The following RNF180 variants were observed in gnomAD, a reference collection of about 807,000 sequenced individuals.
RNF180 encodes the protein E3 ubiquitin-protein ligase RNF180.
Under a neutral mutation model 59.2 loss-of-function variants are expected in RNF180, and 38 were observed. The observed-to-expected ratio is 0.64, with a 90% confidence interval of 0.50 to 0.84. The LOEUF (loss-of-function observed/expected upper bound fraction) is 0.84. Ranked by LOEUF, RNF180 falls within the 40% of genes least tolerant of loss-of-function variation. RNF180 has a pLI of 0.00. For missense variants in RNF180, 705 were observed against 700.9 expected (o/e 1.01, Z -0.07); for synonymous variants, 262 against 240.3 (o/e 1.09, Z -0.84).
intron 1 of RNF180, among the ~76,000 whole-genome samples, chr5:64,181,815 C>T (rs1410457079): frequency 6.6e-6 from 1 of 152,078 alleles, no homozygotes; most frequent in South Asian, 2.1e-4. Context: ...ACATTAATTT[C>T]AGTAATTGAT....
At chr5:64,185,441 G>C (rs970414120) in intron 1 of RNF180, among the ~76,000 whole-genome samples, 7 of 152,252 alleles carry the variant, frequency 4.6e-5, no homozygotes, top group African/African-American at 1.7e-4. Context: ...GCAGAAGCTT[G>C]TAGAAGCGTA....
intron 2 of RNF180, among the ~76,000 whole-genome samples, chr5:64,204,649 T>C (rs1260051562): frequency 1.3e-5 from 2 of 152,200 alleles, no homozygotes; most frequent in African/African-American, 2.4e-5. Flanking sequence ...TCTTGTGGTG[T>C]CTTTGTTGAA....
At chr5:64,180,071 TGC>T in intron 1 of RNF180, among the ~76,000 whole-genome samples, 1 of 152,244 alleles carries the variant, frequency 6.6e-6, no homozygotes, top group Non-Finnish European at 1.5e-5. Flanking sequence ...TTCATTTTTC[TGC>T]TGGATAATTT....
At chr5:64,367,054 T>A (rs1746480582) in intron 7 of RNF180, among the ~76,000 whole-genome samples, 1 of 151,524 alleles carries the variant, frequency 6.6e-6, no homozygotes, top group East Asian at 2.0e-4. Context: ...GGCCAGAGAA[T>A]AGAATGACAT....
chr5:64,218,805 T>G (rs1469028115), intron 5 of RNF180, among the ~76,000 whole-genome samples: 1 of 152,174 alleles, frequency 6.6e-6, no homozygotes, highest in East Asian at 1.9e-4. Flanking sequence ...TACCAAGTAT[T>G]TTTTCTTTTG....
At chr5:64,299,379 G>A (rs992016911) in intron 5 of RNF180, among the ~76,000 whole-genome samples, 3 of 151,794 alleles carry the variant, frequency 2.0e-5, no homozygotes, top group Admixed American at 6.6e-5. Context: ...AGTAGTTACT[G>A]GGTTATTGTT....
intron 5 of RNF180, among the ~76,000 whole-genome samples, chr5:64,239,560 T>G (rs1450131869): frequency 6.6e-6 from 1 of 152,100 alleles, no homozygotes; most frequent in Non-Finnish European, 1.5e-5. Flanking sequence ...GTTTCTCAGT[T>G]GAGTTAAGAG....
chr5:64,299,910 T>C (rs1743075695), intron 5 of RNF180, among the ~76,000 whole-genome samples: 1 of 151,840 alleles, frequency 6.6e-6, no homozygotes, highest in South Asian at 2.1e-4. Context: ...GGTAAAACCT[T>C]GTGCAGTCCC....
At position 64,276,319 on chromosome 5, in the gene RNF180, G is replaced by GGGGT. The variant is rs553123802; in HGVS notation, c.1228-48866_1228-48865insGGTG. Among the ~76,000 whole-genome samples the GGGGT allele has an allele frequency of 4.1e-3, 563 of 138,190 alleles. 1 individual carries two copies. The highest frequency in any genetic ancestry group is 0.012 in the African/African-American group (423 of 36,178). The allele number at this position is 138,190 out of a possible 152,430, so 90.7% of individuals were successfully genotyped here. On this transcript the variant is annotated intron_variant, in intron 5 of 7. Transcript: ENST00000389100. ...CAGAACTGGGAACAAAAAATACATTGGTGTGTGTGTGTGTGTGTGTGTGTG... is the reference window on the plus strand; with the variant it reads ...CAGAACTGGGAACAAAAAATACATTGGGGTGTGTGTGTGTGTGTGTGTGTGTGTG...
intron 7 of RNF180, among the ~76,000 whole-genome samples, chr5:64,358,755 A>G (rs1213101233): frequency 2.0e-5 from 3 of 150,438 alleles, no homozygotes; most frequent in Non-Finnish European, 4.4e-5. Flanking sequence ...CTCGTCATCT[A>G]GCATTAGGTA....
intron 7 of RNF180, among the ~76,000 whole-genome samples, chr5:64,351,517 T>C (rs1011079489): frequency 6.6e-6 from 1 of 152,156 alleles, no homozygotes; most frequent in Non-Finnish European, 1.5e-5. Context: ...TTTTGCCCAT[T>C]CAGTATGATA....
intron 1 of RNF180, among the ~76,000 whole-genome samples, chr5:64,198,908 C>T (rs981773351): frequency 1.3e-5 from 2 of 151,900 alleles, no homozygotes; most frequent in Non-Finnish European, 1.5e-5. Context: ...CTCTGTCTCC[C>T]GAGTTCAAGC....
At chr5:64,258,578 A>C (rs2112307544) in intron 5 of RNF180, among the ~76,000 whole-genome samples, 1 of 152,242 alleles carries the variant, frequency 6.6e-6, no homozygotes, top group African/African-American at 2.4e-5. Flanking sequence ...CTTGGATTGT[A>C]AAGGAACAGT....
At chr5:64,207,347 A>C (rs1452212085) in intron 2 of RNF180, among the ~76,000 whole-genome samples, 1 of 152,068 alleles carries the variant, frequency 6.6e-6, no homozygotes, top group Non-Finnish European at 1.5e-5. Flanking sequence ...GATATGATGG[A>C]TAAGTGAGGA....
At chr5:64,351,113 G>C (rs1745788764) in intron 7 of RNF180, among the ~76,000 whole-genome samples, 10 of 151,940 alleles carry the variant, frequency 6.6e-5, no homozygotes, top group Admixed American at 6.6e-4. Flanking sequence ...TCTCCTTGAA[G>C]AGGTCCTTCA....
chr5:64,187,786 A>T (rs1363002149), intron 1 of RNF180, among the ~76,000 whole-genome samples: 1 of 152,228 alleles, frequency 6.6e-6, no homozygotes, highest in Non-Finnish European at 1.5e-5. Context: ...AGTAAGGCAC[A>T]TACATTCCAT....
intron 5 of RNF180, among the ~76,000 whole-genome samples, chr5:64,319,024 C>T (rs1054877012): frequency 3.2e-4 from 48 of 151,914 alleles, no homozygotes; most frequent in African/African-American, 1.1e-3. Flanking sequence ...TATTAAAGTT[C>T]GTTCATCATT....
At chr5:64,349,162 C>T (rs779184834) in intron 7 of RNF180, among the ~76,000 whole-genome samples, 1 of 152,048 alleles carries the variant, frequency 6.6e-6, no homozygotes, top group Non-Finnish European at 1.5e-5. Context: ...TAAATCCTCC[C>T]ATTTCTTACA....
At chr5:64,322,350 G>A (rs925835559) in intron 5 of RNF180, among the ~76,000 whole-genome samples, 10 of 151,892 alleles carry the variant, frequency 6.6e-5, no homozygotes, top group Admixed American at 1.3e-4. Flanking sequence ...GGTATGAACA[G>A]ATACTTCTCA....
Sources: gnomAD v4.1 joint callset for allele counts (sites outside exome capture counted in the v4.1 genomes callset) on GRCh38, gnomAD v4.1.1 for gene constraint, MANE v1.5 for transcripts, NCBI Gene and HGNC (gene_info 2026-07-23, HGNC 2026-07-21) for gene names.